Variants in LPP observed in about 807,000 individuals in gnomAD.
LPP encodes the protein lipoma-preferred partner.
In LPP, 38 loss-of-function variants were observed where a neutral mutation model predicts 60.4. That is an observed-to-expected ratio of 0.63 (90% CI 0.49 to 0.83). The LOEUF is 0.83. Among genes scored for constraint, LPP ranks in the 40% least tolerant of loss-of-function variants. The pLI, the probability that LPP is intolerant of heterozygous loss-of-function variation, is 0.00. For synonymous variants in LPP, 328 were observed against 290.8 expected, an observed-to-expected ratio of 1.13 and a Z score of -1.30; for missense variants, 902 against 783.6, an observed-to-expected ratio of 1.15 and a Z score of -1.80.
chr3:188,474,672 A>C (rs1020136962), intron 4 of LPP, among the ~76,000 whole-genome samples: 1 of 152,138 alleles, frequency 6.6e-6, no homozygotes, highest in Non-Finnish European at 1.5e-5. Context: ...GTAAATTAAG[A>C]CTTTTTGTTG....
rs185659964 is a variant in LPP at position 188,840,842 on chromosome 3, A to G, written c.1411-25358A>G. 2.5e-3 allele frequency among the ~76,000 whole-genome samples: 380 copies of G among 152,264 alleles called. 1 individual carries two copies. Among genetic ancestry groups the G allele is most frequent in the African/African-American group, 8.5e-3 (354 of 41,558 alleles). ...TACTAGCCTGTTCTGAAATCCAGCAACATTCTTTTCCACCTCTAGCCTTGT... is the reference window on the plus strand; with the variant it reads ...TACTAGCCTGTTCTGAAATCCAGCAGCATTCTTTTCCACCTCTAGCCTTGT... On this transcript the variant is annotated intron_variant, in intron 9 of 11. Transcript: ENST00000617246.
In LPP at chr3:188,874,283, A is replaced by G. The variant is rs182881242; in HGVS notation, c.1711-68A>G. The G allele has an allele frequency of 1.2e-4, 178 of 1,496,778 alleles. No individual in the cohort carries two copies. The African/African-American group carries it at 2.1e-3, about 18-fold the overall frequency. The allele number at this position is 1,496,778 out of a possible 1,614,324, so 92.7% of individuals were successfully genotyped here. ...GAGGCCTTGAATAGAAAGCTCAATC[A>G]TGATGTTCTCCACATGTGTACTTAA... is the stretch of plus-strand genomic sequence containing the variant. On this transcript the variant is annotated intron_variant, in intron 11 of 11. Transcript: ENST00000617246.
At chr3:188,506,536 T>C (rs939146330) in intron 5 of LPP, among the ~76,000 whole-genome samples, 1 of 152,126 alleles carries the variant, frequency 6.6e-6, no homozygotes, top group Non-Finnish European at 1.5e-5. Flanking sequence ...TTATTTAAAA[T>C]CACAAATCGT....
chr3:188,250,770 CTT>C (rs1491197904), intron 2 of LPP, among the ~76,000 whole-genome samples: 84 of 109,800 alleles, frequency 7.7e-4, no homozygotes, highest in Middle Eastern at 4.2e-3. Context: ...TTCTTTCTTT[CTT>C]TCTTTCTTTC....
chr3:188,599,569 A>T (rs1209599105), intron 6 of LPP, among the ~76,000 whole-genome samples: 1 of 152,038 alleles, frequency 6.6e-6, no homozygotes, highest in African/African-American at 2.4e-5. Flanking sequence ...TGGGACAAAA[A>T]CTGCTCTGAA....
At chr3:188,556,378 T>C (rs1829464746) in intron 6 of LPP, among the ~76,000 whole-genome samples, 1 of 152,100 alleles carries the variant, frequency 6.6e-6, no homozygotes, top group African/African-American at 2.4e-5. Context: ...AGAAATGATA[T>C]GTTTTGTCTC....
chr3:188,457,739 A>ATAT (rs1553903684), intron 4 of LPP, among the ~76,000 whole-genome samples: 1,987 of 140,008 alleles, frequency 0.014, 21 homozygotes, highest in East Asian at 0.038. Context: ...AAAAAAAAAA[A>ATAT]ATATATATAT....
intron 9 of LPP, among the ~76,000 whole-genome samples, chr3:188,781,962 G>A (rs565897598): frequency 4.6e-4 from 69 of 151,402 alleles, no homozygotes; most frequent in African/African-American, 1.4e-3. Flanking sequence ...TCTACTTCAC[G>A]TGGGGATTAT....
At chr3:188,455,959 C>T (rs1797644794) in intron 4 of LPP, among the ~76,000 whole-genome samples, 1 of 152,184 alleles carries the variant, frequency 6.6e-6, no homozygotes, top group Non-Finnish European at 1.5e-5. Context: ...CTAGTGCAGT[C>T]ATAGCTTACT....
At chr3:188,207,212 C>CTTTTTTTTTTTTTTTTTTTCTTTTTTTT (rs5855184) in intron 1 of LPP, among the ~76,000 whole-genome samples, 1 of 129,334 alleles carries the variant, frequency 7.7e-6, no homozygotes, top group African/African-American at 2.9e-5. Flanking sequence ...TACACATTTT[C>CTTTTTTTTTTTTTTTTTTTCTTTTTTTT]TTTTTTTTTT....
chr3:188,633,518 T>C (rs1848202373), intron 7 of LPP, among the ~76,000 whole-genome samples: 1 of 152,192 alleles, frequency 6.6e-6, no homozygotes, highest in Non-Finnish European at 1.5e-5. Flanking sequence ...AGAAAGACTA[T>C]ACAAAACCTG....
intron 6 of LPP, among the ~76,000 whole-genome samples, chr3:188,586,271 T>C (rs1410166313): frequency 6.6e-6 from 1 of 152,196 alleles, no homozygotes; most frequent in African/African-American, 2.4e-5. Flanking sequence ...TGAAAGAGTC[T>C]TTTTCTTAAC....
In LPP at chr3:188,484,800, C is replaced by T. The variant is rs1579260380; in HGVS notation, c.306+96C>T. 1.8e-5 allele frequency: 16 copies of T among 886,066 alleles called. 1 individual carries two copies. In the South Asian group the frequency reaches 1.9e-4, roughly 10 times the overall value. 54.9% of individuals were successfully genotyped at this position (886,066 alleles called of 1,614,324 possible). A position where few individuals can be genotyped will look rare whatever the true frequency, so the allele number is the denominator to read the frequency against. ...GAGCTCATGAATTTCATGAGTGTTT[C>T]TGTGCTGGATAAACATTTATCCAGA... is the stretch of plus-strand genomic sequence containing the variant. On this transcript the variant is annotated intron_variant, in intron 5 of 11. Coordinates refer to ENST00000617246, the MANE Select transcript of LPP (RefSeq NM_001375462.1).
At chr3:188,665,457 CTTCTTTTTT>C (rs1855567130) in intron 7 of LPP, among the ~76,000 whole-genome samples, 1 of 87,044 alleles carries the variant, frequency 1.1e-5, no homozygotes, top group Admixed American at 1.4e-4. Flanking sequence ...TCTTCTTCTT[CTTCTTTTTT>C]TTTTTTTTTT....
chr3:188,738,902 T>C (rs753816917), intron 8 of LPP, among the ~76,000 whole-genome samples: 5 of 152,130 alleles, frequency 3.3e-5, no homozygotes, highest in Admixed American at 1.3e-4. Context: ...ATCTGATTGG[T>C]CTTTAAAAAA....
At chr3:188,644,227 A>C (rs1850705156) in intron 7 of LPP, among the ~76,000 whole-genome samples, 1 of 152,206 alleles carries the variant, frequency 6.6e-6, no homozygotes, top group African/African-American at 2.4e-5. Context: ...GAAAGAACAA[A>C]AGGATCTAAG....
At chr3:188,845,256 C>T (rs978180210) in intron 9 of LPP, among the ~76,000 whole-genome samples, 29 of 152,168 alleles carry the variant, frequency 1.9e-4, no homozygotes, top group Non-Finnish European at 4.0e-4. Context: ...AACTGCATTG[C>T]AGATAAATTA....
At chr3:188,567,631 G>A (rs1211379380) in intron 6 of LPP, among the ~76,000 whole-genome samples, 1 of 151,934 alleles carries the variant, frequency 6.6e-6, no homozygotes, top group African/African-American at 2.4e-5. Flanking sequence ...TTTGTGGTAT[G>A]TAAAATATTT....
intron 7 of LPP, among the ~76,000 whole-genome samples, chr3:188,669,659 T>C (rs913989760): frequency 6.6e-6 from 1 of 152,212 alleles, no homozygotes; most frequent in Non-Finnish European, 1.5e-5. Context: ...AATTTTATAC[T>C]GTTGGTGGGA....
Sources: gnomAD v4.1 joint callset for allele counts (sites outside exome capture counted in the v4.1 genomes callset) on GRCh38, gnomAD v4.1.1 for gene constraint, MANE v1.5 for transcripts, NCBI Gene and HGNC (gene_info 2026-07-23, HGNC 2026-07-21) for gene names.